Variants in SMC4 observed in about 807,000 individuals in gnomAD.
SMC4 encodes the protein structural maintenance of chromosomes protein 4.
In SMC4, 87 loss-of-function variants were observed where a neutral mutation model predicts 145.6. That is an observed-to-expected ratio of 0.60 (90% CI 0.50 to 0.71). The LOEUF is 0.71. Ranked by LOEUF, SMC4 falls within the 30% of genes least tolerant of loss-of-function variation. SMC4 has a pLI of 0.00. For missense variants in SMC4, 1,447 were observed against 1,537.1 expected (o/e 0.94, Z 0.98); for synonymous variants, 558 against 500.7 (o/e 1.11, Z -1.53).
At chr3:160,431,291 GTTC>G (rs1291079282) in intron 20 of SMC4, 86 bp downstream of exon 20, 12 of 1,174,334 alleles carry the variant, frequency 1.0e-5, no homozygotes, top group African/African-American at 1.6e-5. Context: ...GGGGGTTGGG[GTTC>G]TTAAATTTTG....
chr3:160,413,093 C>T (rs1382345166), intron 7 of SMC4, among the ~76,000 whole-genome samples: 1 of 151,982 alleles, frequency 6.6e-6, no homozygotes, highest in Non-Finnish European at 1.5e-5. Flanking sequence ...CACCAACACA[C>T]CTGGCTAATT....
At chr3:160,429,492 C>G (rs970029842) in intron 18 of SMC4, among the ~76,000 whole-genome samples, 2 of 151,894 alleles carry the variant, frequency 1.3e-5, no homozygotes, top group Non-Finnish European at 2.9e-5. Context: ...TACAGGAATG[C>G]ACTACAACAC....
rs1290802240 is a variant in SMC4, at chr3:160,434,416, T to C, written c.*607T>C. 1 of 152,172 alleles carries C rather than the reference T, an allele frequency of 6.6e-6. No individual in the cohort carries two copies. The highest frequency in any genetic ancestry group is 1.5e-5 in the Non-Finnish European group (1 of 68,042). 9.4% of individuals were successfully genotyped at this position (152,172 alleles called of 1,614,324 possible). A position where few individuals can be genotyped will look rare whatever the true frequency, so the allele number is the denominator to read the frequency against. ...CTAGGCTATCTCGTAAGTTGAAAAA[T>C]ATCCCACTATAGTTGCTTCATGAGT... On this transcript the variant is annotated 3_prime_UTR_variant, in exon 24 of 24. Coordinates refer to ENST00000357388, the MANE Select transcript of SMC4 (RefSeq NM_001002800.3).
In SMC4 at chr3:160,402,790, T is replaced by G; in HGVS notation, c.433T>G (p.Leu145Val). ...AATAAGATCTAAAAAACTCTCAGTATTAATACATAATTCTGATGAACACAA... is the reference window on the plus strand; with the variant it reads ...AATAAGATCTAAAAAACTCTCAGTAGTAATACATAATTCTGATGAACACAA... ...QKIRSKKLSV[L>V]IHNSDEHKDI... is the part of the protein sequence containing the mutation. The change falls in exon 4 of 24, where the codon TTA (leucine) becomes GTA (valine). Residue 145 changes from leucine (L) to valine (V), a missense_variant. Physicochemically the swap from Leu to Val is conservative, Grantham distance 32 (BLOSUM62 1). Transcript: ENST00000357388. The G allele has an allele frequency of 6.2e-7, 1 of 1,610,700 alleles. No homozygotes were observed. The highest frequency in any genetic ancestry group is 8.5e-7 in the Non-Finnish European group (1 of 1,179,272).
At chr3:160,399,961 C>T (rs1714306834) in intron 1 of SMC4, 1 of 152,232 alleles carries the variant, frequency 6.6e-6, no homozygotes, top group Non-Finnish European at 1.5e-5. Context: ...CTTTTCCAAG[C>T]TACTCAAATG....
rs749713206 is a variant in SMC4 at position 160,413,545 on chromosome 3, T to A, written c.1053T>A (p.Ile351=). The A allele has an allele frequency of 1.3e-6, 2 of 1,561,360 alleles. No individual in the cohort carries two copies. The highest frequency in any genetic ancestry group is 2.3e-5 in the East Asian group (1 of 44,226). ...AAATTCATGAAGATACCAAAGAAAT[T>A]AATGAGAAGAGCAATATACTATCAA... ...KEKIHEDTKE[I]NEKSNILSNE... The change falls in exon 8 of 24, where the codon ATT becomes ATA. Residue 351 remains isoleucine (I), a synonymous_variant. Transcript: ENST00000357388.
chr3:160,427,914 C>A (rs1027419010), intron 17 of SMC4, among the ~76,000 whole-genome samples: 1 of 152,118 alleles, frequency 6.6e-6, no homozygotes. Context: ...TGGTGAAACC[C>A]CATCTCTTTG....
Position 160,433,899 on chromosome 3 carries a change from T to C in SMC4, c.*90T>C. 1 of 895,140 alleles carries C rather than the reference T, an allele frequency of 1.1e-6. No homozygotes were observed. Among genetic ancestry groups the C allele is most frequent in the Non-Finnish European group, 1.7e-6 (1 of 585,438 alleles). The allele number at this position is 895,140 out of a possible 1,614,324, so 55.4% of individuals were successfully genotyped here. ...ATTATGAGTTGTATAAAATACATAC[T>C]CCCTAAACTAGATCATGAAACTGGT... On this transcript the variant is annotated 3_prime_UTR_variant, in exon 24 of 24. Transcript: ENST00000357388.
At position 160,425,016 on chromosome 3, in the gene SMC4, C is replaced by T; in HGVS notation, c.2475C>T (p.Ile825=). The stretch of plus-strand genomic sequence containing the variant: ...CACTAGAAAAATTTACTGCAAGCAT[C>T]CAGGTATGTGTGTGTGTGTGTGTGT... ...RNTLEKFTAS[I]QRLIEQEEYL... Residue 825 remains isoleucine (I), a synonymous_variant, in exon 16 of 24, where the codon ATC becomes ATT. Transcript: ENST00000357388. The T allele has an allele frequency of 2.4e-6, 3 of 1,276,514 alleles. No homozygotes were observed. The highest frequency in any genetic ancestry group is 3.2e-6 in the Non-Finnish European group (3 of 938,238). The allele number at this position is 1,276,514 out of a possible 1,614,324, so 79.1% of individuals were successfully genotyped here.
Position 160,413,554 on chromosome 3 carries a change from G to C in SMC4, c.1062G>C (p.Lys354Asn). 6.6e-7 allele frequency: 1 copy of C among 1,526,310 alleles called. No individual in the cohort carries two copies. The allele number at this position is 1,526,310 out of a possible 1,614,324, so 94.5% of individuals were successfully genotyped here. ...IHEDTKEINE[K>N]SNILSNEMKA... ...AAGATACCAAAGAAATTAATGAGAA[G>C]AGCAATATACTATCAAATGAAATGA... The change falls in exon 8 of 24, where the codon AAG becomes AAC. Residue 354 changes from lysine (K) to asparagine (N), a missense_variant. Coordinates refer to ENST00000357388, the MANE Select transcript of SMC4 (RefSeq NM_001002800.3).
At chr3:160,414,269 C>T (rs779330370) in intron 8 of SMC4, 98 bp from the exon 9 acceptor site, 2 of 987,216 alleles carry the variant, frequency 2.0e-6, no homozygotes, top group East Asian at 2.5e-5. Context: ...TATTAAGAGC[C>T]TGGACATATT....
chr3:160,431,242 T>A, intron 20 of SMC4, 37 bp downstream of exon 20: 2 of 1,510,676 alleles, frequency 1.3e-6, no homozygotes, highest in Non-Finnish European at 1.8e-6. Context: ...TTTAAACATA[T>A]TCTTTATGAA....
chr3:160,426,396 G>T (rs758038483), intron 17 of SMC4, among the ~76,000 whole-genome samples, 196 bp downstream of exon 17: 5 of 152,162 alleles, frequency 3.3e-5, no homozygotes, highest in Non-Finnish European at 7.3e-5. Context: ...ATTTGCCTAA[G>T]GTCACACAGC....
intron 17 of SMC4, 121 bp from the exon 18 acceptor site, chr3:160,428,632 T>C (rs1209784376): frequency 1.3e-6 from 1 of 795,208 alleles, no homozygotes; most frequent in African/African-American, 1.8e-5. Flanking sequence ...CTTTTTCCCA[T>C]ATGCCTAAAA....
rs61762665 is a variant in SMC4 at position 160,416,277 on chromosome 3, C to G, written c.1299C>G (p.Ala433=). The G allele has an allele frequency of 6.3e-6, 10 of 1,591,556 alleles. No homozygotes were observed. Among genetic ancestry groups the G allele is most frequent in the Admixed American group, 1.8e-5 (1 of 55,332 alleles). The change falls in exon 10 of 24, where the codon GCC becomes GCG. Residue 433 remains alanine (A), a synonymous_variant. Transcript: ENST00000357388. ...TTGAAGAATTTAAAAGTATACCTGC[C>G]AAGAGTAACAATATCATTAATGAAA... is the stretch of plus-strand genomic sequence containing the variant. The part of the protein sequence containing the change: ...EKVEEFKSIP[A]KSNNIINETT...
chr3:160,400,583 C>G (rs185158115), intron 1 of SMC4: 2 of 475,256 alleles, frequency 4.2e-6, no homozygotes, highest in Non-Finnish European at 7.3e-6. Flanking sequence ...GTTGCTCAAT[C>G]GTTGATTGAT....
At chr3:160,432,814 G>A (rs1334015751) in intron 22 of SMC4, 7 of 541,210 alleles carry the variant, frequency 1.3e-5, no homozygotes, top group Non-Finnish European at 2.3e-5. Context: ...TACTTAGCTT[G>A]CTCTTTAAAT....
intron 11 of SMC4, among the ~76,000 whole-genome samples, chr3:160,418,631 TC>T (rs1210191956): frequency 6.6e-6 from 1 of 152,238 alleles, no homozygotes; most frequent in African/African-American, 2.4e-5. Flanking sequence ...TTAAGTTAGA[TC>T]CAGTGACTGC....
intron 3 of SMC4, 89 bp from the exon 4 acceptor site, chr3:160,402,586 TA>T (rs1038090558): frequency 7.3e-7 from 1 of 1,367,830 alleles, no homozygotes; most frequent in Non-Finnish European, 1.0e-6. Flanking sequence ...TAACTGCAAG[TA>T]AAAAAATCTA....
Sources: allele counts gnomAD v4.1 joint callset (sites outside exome capture counted in the v4.1 genomes callset), GRCh38; gene constraint gnomAD v4.1.1; transcripts MANE v1.5; gene names NCBI Gene and HGNC (gene_info 2026-07-23, HGNC 2026-07-21).